SLC23A2: variants seen among roughly 807,000 people sequenced by gnomAD.
SLC23A2 encodes Na(+)/L-ascorbic acid transporter 2.
A neutral mutation model predicts 73.3 loss-of-function variants in SLC23A2; 36 were observed. That is an observed-to-expected ratio of 0.49 (90% confidence interval 0.38 to 0.65). SLC23A2 has a LOEUF of 0.65. SLC23A2 is among the 30% of genes least tolerant of loss of function. The pLI is 0.00. For synonymous variants in SLC23A2, 343 were observed against 327.3 expected (o/e 1.05, Z -0.52); for missense variants, 507 against 841.6 (o/e 0.60, Z 4.92).
At chr20:4,939,749 G>A (rs2087012776) in intron 2 of SLC23A2, among the ~76,000 whole-genome samples, 1 of 152,100 alleles carries the variant, frequency 6.6e-6, no homozygotes, top group South Asian at 2.1e-4. Flanking sequence ...ACAATAATAG[G>A]ATAAAGGAAT....
chr20:4,925,812 A>C lies in SLC23A2; in HGVS notation c.108+6643T>G, dbSNP rs561777894. On this transcript the variant is annotated intron_variant, in intron 3 of 16. Coordinates refer to ENST00000338244, the MANE Select transcript of SLC23A2 (RefSeq NM_005116.6). ...AGTCTCCCTCCTCTTGACCTACTAT[A>C]CCTAGACATTTTTTAGGAGTTCCAT... is the stretch of plus-strand genomic sequence containing the variant. Among the ~76,000 whole-genome samples the C allele has an allele frequency of 2.6e-5, 4 of 152,064 alleles. No homozygotes were observed. In the South Asian group the frequency reaches 8.3e-4, roughly 32 times the overall value.
intron 2 of SLC23A2, among the ~76,000 whole-genome samples, chr20:4,951,092 G>A (rs1053933107): frequency 5.9e-5 from 9 of 152,128 alleles, no homozygotes; most frequent in Admixed American, 4.6e-4. Context: ...AGCCAAGAAC[G>A]GTATTCAGGA....
chr20:4,886,620 T>C (rs533811653), intron 6 of SLC23A2, among the ~76,000 whole-genome samples: 2 of 152,364 alleles, frequency 1.3e-5, no homozygotes, highest in African/African-American at 4.8e-5. Flanking sequence ...AGATACTTCA[T>C]ATTGACTTCA....
At chr20:4,927,184 T>C (rs1390864513) in intron 3 of SLC23A2, among the ~76,000 whole-genome samples, 1 of 152,168 alleles carries the variant, frequency 6.6e-6, no homozygotes, top group African/African-American at 2.4e-5. Context: ...TCAGGTTTTA[T>C]TGAATAGTAT....
At chr20:4,915,528 T>G (rs1932291282) in intron 3 of SLC23A2, among the ~76,000 whole-genome samples, 1 of 152,172 alleles carries the variant, frequency 6.6e-6, no homozygotes, top group Non-Finnish European at 1.5e-5. Context: ...ACAGCTTGGA[T>G]TGAGGAGGTC....
At chr20:4,974,855 T>G (rs1054070906) in intron 1 of SLC23A2, among the ~76,000 whole-genome samples, 1 of 152,208 alleles carries the variant, frequency 6.6e-6, no homozygotes, top group Non-Finnish European at 1.5e-5. Context: ...TAGCGTGATC[T>G]CAGCTCACTG....
rs756631882 is a variant in SLC23A2 at position 4,863,630 on chromosome 20, G to T, written c.1357-723C>A. On this transcript the variant is annotated intron_variant, in intron 13 of 16. Transcript: ENST00000338244. This position sits in a 1 kb window ranked among gnomAD's most constrained non-coding sequence, Gnocchi z 4.8. ...TGCACCCATTCCATGGGGCCACGGGGTCACCTTTCTAACACATGAAATTGG... is the reference window on the plus strand; with the variant it reads ...TGCACCCATTCCATGGGGCCACGGGTTCACCTTTCTAACACATGAAATTGG... 3.3e-5 allele frequency among the ~76,000 whole-genome samples: 5 copies of T among 152,180 alleles called. No homozygotes were observed. The East Asian group carries it at 9.7e-4, about 29-fold the overall frequency.
chr20:4,918,090 T>G (rs1932387994), intron 3 of SLC23A2, among the ~76,000 whole-genome samples: 1 of 152,222 alleles, frequency 6.6e-6, no homozygotes, highest in South Asian at 2.1e-4. Flanking sequence ...AAGCTTCATA[T>G]TTTGGAACTT....
intron 1 of SLC23A2, among the ~76,000 whole-genome samples, chr20:4,986,641 T>TAC (rs1430876697): frequency 7.7e-5 from 6 of 78,026 alleles, no homozygotes; most frequent in Admixed American, 1.6e-4. Context: ...GATACATACA[T>TAC]ACACACATAC....
At chr20:4,859,857 C>A (rs748961038) in intron 15 of SLC23A2, among the ~76,000 whole-genome samples, 1 of 152,180 alleles carries the variant, frequency 6.6e-6, no homozygotes, top group Non-Finnish European at 1.5e-5. Context: ...TCAGGGGCAA[C>A]TGGATTTATA....
At chr20:4,966,494 T>G (rs936406294) in intron 2 of SLC23A2, among the ~76,000 whole-genome samples, 1 of 152,124 alleles carries the variant, frequency 6.6e-6, no homozygotes, top group Non-Finnish European at 1.5e-5. Flanking sequence ...GAATGTAACA[T>G]ATACAATAGA....
chr20:4,966,162 G>T (rs1432535753), intron 2 of SLC23A2, among the ~76,000 whole-genome samples: 1 of 152,094 alleles, frequency 6.6e-6, no homozygotes, highest in Non-Finnish European at 1.5e-5. Flanking sequence ...GGGGCAGCAG[G>T]GGAGATCAAT....
chr20:4,900,998 C>G lies in SLC23A2; in HGVS notation c.325-1286G>C, dbSNP rs559134132. ...AGGGCTGCTCACAACTTTATGTACT[C>G]TGAATCGTCAGGAAGGGCATGATGC... On this transcript the variant is annotated intron_variant, in intron 5 of 16. Transcript: ENST00000338244. Among the ~76,000 whole-genome samples, 4 of 152,312 alleles carry G rather than the reference C, an allele frequency of 2.6e-5. No individual in the cohort carries two copies. The South Asian group carries it at 8.3e-4, about 32-fold the overall frequency.
intron 2 of SLC23A2, among the ~76,000 whole-genome samples, chr20:4,957,688 G>A (rs1024541144): frequency 6.6e-6 from 1 of 151,808 alleles, no homozygotes; most frequent in Non-Finnish European, 1.5e-5. Flanking sequence ...ATTACCTGAG[G>A]TCAGGAGTTC....
chr20:4,971,210 TA>T (rs145746728), intron 1 of SLC23A2, among the ~76,000 whole-genome samples: 4,032 of 152,134 alleles, frequency 0.027, 144 homozygotes, highest in South Asian at 0.14. Context: ...CTCACACCTG[TA>T]ACCCCAGCAC....
At chr20:4,996,119 A>C (rs2088015951) in intron 1 of SLC23A2, among the ~76,000 whole-genome samples, 1 of 152,168 alleles carries the variant, frequency 6.6e-6, no homozygotes. Flanking sequence ...CCCAATGCAT[A>C]ATCAATACCT....
chr20:4,990,677 CTCTTA>C (rs772792696), intron 1 of SLC23A2, among the ~76,000 whole-genome samples: 35 of 147,522 alleles, frequency 2.4e-4, no homozygotes, highest in South Asian at 2.2e-4. Context: ...CGGCCTCCAT[CTCTTA>C]TCTTATTATA....
rs117580546 is a variant in SLC23A2, at chr20:4,860,455, G to C, written c.1625-1071C>G. On this transcript the variant is annotated intron_variant, in intron 15 of 16. Transcript: ENST00000338244. ...GTTTAAAATGTCCAAGTGGTGTGAA[G>C]TGCTCCCTGACGTTTCTACACATAA... Among the ~76,000 whole-genome samples, 481 of 152,304 alleles carry C rather than the reference G, an allele frequency of 3.2e-3. 1 individual carries two copies. Among genetic ancestry groups the C allele is most frequent in the Non-Finnish European group, 4.8e-3 (325 of 68,030 alleles).
intron 2 of SLC23A2, among the ~76,000 whole-genome samples, chr20:4,960,067 T>C (rs1340618918): frequency 6.6e-6 from 1 of 152,196 alleles, no homozygotes; most frequent in Non-Finnish European, 1.5e-5. Flanking sequence ...GTGCTGGGAT[T>C]ACAACTGTGA....
Sources: gnomAD v4.1 joint callset for allele counts (sites outside exome capture counted in the v4.1 genomes callset) on GRCh38, gnomAD v4.1.1 for gene constraint, Gnocchi (gnomAD v3.1) non-coding constraint, MANE v1.5 for transcripts, NCBI Gene and HGNC (gene_info 2026-07-23, HGNC 2026-07-21) for gene names.